Variants in SYT1 observed in about 807,000 individuals in gnomAD.
SYT1 encodes synaptotagmin 1, also known as synaptotagmin-1.
In SYT1, 8 loss-of-function variants were observed where a neutral mutation model predicts 44.8. The ratio of observed to expected loss-of-function variants is 0.18; its 90% CI spans 0.10 to 0.32. The LOEUF (loss-of-function observed/expected upper bound fraction) is 0.32, where lower values mean the gene tolerates loss of function less well. Ranked by LOEUF, SYT1 falls within the 10% of genes least tolerant of loss-of-function variation. The pLI is 1.00. For missense variants in SYT1, 286 were observed against 509.3 expected (o/e 0.56, Z 4.22); for synonymous variants, 154 against 188.8 (o/e 0.82, Z 1.51).
chr12:79,365,834 G>A (rs201105666), intron 9 of SYT1, among the ~76,000 whole-genome samples: 349 of 103,778 alleles, frequency 3.4e-3, no homozygotes, highest in Middle Eastern at 5.7e-3. Flanking sequence ...AAGAGTACCA[G>A]AAAAAAAAAA....
chr12:79,416,760 G>T (rs1309511693), intron 9 of SYT1, among the ~76,000 whole-genome samples: 4 of 152,080 alleles, frequency 2.6e-5, no homozygotes, highest in Non-Finnish European at 5.9e-5. Context: ...TATTTGAAAT[G>T]CATTTCTGCT....
chr12:79,103,647 A>G (rs1300274392), intron 3 of SYT1, among the ~76,000 whole-genome samples: 4 of 152,148 alleles, frequency 2.6e-5, no homozygotes, highest in Admixed American at 2.6e-4. Flanking sequence ...TATTTTAAGT[A>G]GTTATAATAT....
intron 4 of SYT1, among the ~76,000 whole-genome samples, chr12:79,284,305 A>G (rs1391241439): frequency 1.3e-5 from 2 of 152,126 alleles, no homozygotes; most frequent in Non-Finnish European, 2.9e-5. Flanking sequence ...AGAAAACTCA[A>G]TGTTTATTTT....
intron 2 of SYT1, among the ~76,000 whole-genome samples, chr12:79,008,544 G>A (rs1871230017): frequency 6.6e-6 from 1 of 152,126 alleles, no homozygotes; most frequent in Admixed American, 6.6e-5. Flanking sequence ...AGAGTGAAGA[G>A]AATAATGGAA....
chr12:79,416,455 T>A (rs1000859695), intron 9 of SYT1, among the ~76,000 whole-genome samples: 26 of 152,208 alleles, frequency 1.7e-4, no homozygotes, highest in Non-Finnish European at 3.4e-4. Context: ...GTATAGATCC[T>A]CTTCTAAATA....
intron 2 of SYT1, among the ~76,000 whole-genome samples, chr12:79,043,554 C>T (rs1290979230): frequency 6.6e-6 from 1 of 151,028 alleles, no homozygotes; most frequent in Non-Finnish European, 1.5e-5. Flanking sequence ...GAATACAGCA[C>T]ACTGATGGGT....
intron 2 of SYT1, among the ~76,000 whole-genome samples, chr12:79,035,031 T>G (rs900991549): frequency 6.6e-6 from 1 of 151,618 alleles, no homozygotes. Flanking sequence ...TTACTGGTCT[T>G]GCATTTCCAG....
At chr12:79,101,279 A>G (rs1565806916) in intron 3 of SYT1, among the ~76,000 whole-genome samples, 1 of 152,216 alleles carries the variant, frequency 6.6e-6, no homozygotes, top group Non-Finnish European at 1.5e-5. Context: ...CGTACAATGG[A>G]ATATTTTTCA....
At chr12:79,321,285 A>G (rs1592964116) in intron 8 of SYT1, among the ~76,000 whole-genome samples, 1 of 152,348 alleles carries the variant, frequency 6.6e-6, no homozygotes, top group Admixed American at 6.5e-5. Flanking sequence ...TTACTATTTT[A>G]AAGTTCTGTT....
At chr12:79,267,195 A>G (rs1592913927) in intron 4 of SYT1, among the ~76,000 whole-genome samples, 1 of 152,230 alleles carries the variant, frequency 6.6e-6, no homozygotes, top group Admixed American at 6.5e-5. Context: ...ATATCAGGGA[A>G]TATATCTGCC....
rs1488554383 is a variant in SYT1 at position 79,138,063 on chromosome 12, C to T, written c.-17-79440C>T. The stretch of plus-strand genomic sequence containing the variant: ...ACTTATTTCACCATGACAAGAAGGG[C>T]AACATAAATAATTAATATTGATTTC... On this transcript the variant is annotated intron_variant, in intron 3 of 10. Transcript: ENST00000261205. Among the ~76,000 whole-genome samples, 7 of 152,294 alleles carry T rather than the reference C, an allele frequency of 4.6e-5. No homozygotes were observed. The South Asian group carries it at 8.3e-4, about 18-fold the overall frequency.
intron 8 of SYT1, among the ~76,000 whole-genome samples, chr12:79,308,528 G>GAAAT (rs1555216033): frequency 1.4e-3 from 132 of 94,542 alleles, no homozygotes; most frequent in African/African-American, 4.9e-3. Flanking sequence ...AAAGAAAGAA[G>GAAAT]AAATAAAGAA....
intron 8 of SYT1, among the ~76,000 whole-genome samples, chr12:79,316,340 T>C (rs551810773): frequency 6.6e-6 from 1 of 152,342 alleles, no homozygotes; most frequent in East Asian, 1.9e-4. Context: ...TCACTCCTTT[T>C]TATTGCTAAG....
chr12:79,298,027 A>G (rs1353340965), intron 7 of SYT1, among the ~76,000 whole-genome samples: 2 of 152,128 alleles, frequency 1.3e-5, no homozygotes, highest in Non-Finnish European at 2.9e-5. Context: ...TATTATCACA[A>G]TTTAATAGAT....
intron 3 of SYT1, among the ~76,000 whole-genome samples, chr12:79,135,151 G>A (rs578228083): frequency 1.3e-5 from 2 of 151,906 alleles, no homozygotes; most frequent in South Asian, 4.2e-4. Flanking sequence ...TGTGCACAAC[G>A]TGCAGGTTTG....
At chr12:79,444,344 T>G in intron 10 of SYT1, 138 bp downstream of exon 10, 7 of 1,094,334 alleles carry the variant, frequency 6.4e-6, no homozygotes, top group Non-Finnish European at 5.2e-6. Context: ...GCACATTTGA[T>G]GCTTGAGCTA....
At chr12:79,370,698 G>A (rs1883750149) in intron 9 of SYT1, among the ~76,000 whole-genome samples, 1 of 152,088 alleles carries the variant, frequency 6.6e-6, no homozygotes, top group Non-Finnish European at 1.5e-5. Context: ...GGGAGGCGGA[G>A]CTTGCAGTGA....
At chr12:79,030,589 C>T (rs1168493083) in intron 2 of SYT1, among the ~76,000 whole-genome samples, 5 of 150,912 alleles carry the variant, frequency 3.3e-5, no homozygotes, top group Non-Finnish European at 7.4e-5. Flanking sequence ...TCTCCTTTTC[C>T]CACTCCATCT....
chr12:78,994,463 T>G (rs927965670), intron 2 of SYT1, among the ~76,000 whole-genome samples: 2 of 151,162 alleles, frequency 1.3e-5, no homozygotes, highest in African/African-American at 4.9e-5. Context: ...ATTTTTCTTT[T>G]TCTTTGTTTT....
Sources: gnomAD v4.1 joint callset for allele counts (sites outside exome capture counted in the v4.1 genomes callset) on GRCh38, gnomAD v4.1.1 for gene constraint, MANE v1.5 for transcripts, NCBI Gene and HGNC (gene_info 2026-07-23, HGNC 2026-07-21) for gene names.